CRIM1: variants seen among roughly 807,000 people sequenced by gnomAD.
The protein encoded by CRIM1 is cysteine rich transmembrane BMP regulator 1.
A neutral mutation model predicts 116.4 loss-of-function variants in CRIM1; 32 were observed. That is an observed-to-expected ratio of 0.27 (90% CI 0.21 to 0.37). CRIM1 has a LOEUF of 0.37. Among genes scored for constraint, CRIM1 ranks in the 10% least tolerant of loss-of-function variants. The probability of loss-of-function intolerance (pLI) is 1.00; values close to 1 mark genes in which losing one functional copy is unlikely to be tolerated. For synonymous variants in CRIM1, 590 were observed against 509.2 expected (o/e 1.16, Z -2.13); for missense variants, 1,331 against 1,354.8 (o/e 0.98, Z 0.28).
chr2:36,370,462 T>A (rs1669872439), intron 1 of CRIM1, among the ~76,000 whole-genome samples: 1 of 152,176 alleles, frequency 6.6e-6, no homozygotes, highest in Non-Finnish European at 1.5e-5. Context: ...TTGTATTAGT[T>A]GCTTTGGAAA....
At chr2:36,440,441 G>A (rs1190469526) in intron 2 of CRIM1, among the ~76,000 whole-genome samples, 1 of 152,128 alleles carries the variant, frequency 6.6e-6, no homozygotes, top group East Asian at 1.9e-4. Context: ...TTCCTCAAGG[G>A]CCTTATGTTC....
intron 7 of CRIM1, among the ~76,000 whole-genome samples, chr2:36,487,423 T>C (rs906147616): frequency 1.3e-5 from 2 of 152,194 alleles, no homozygotes; most frequent in African/African-American, 4.8e-5. Flanking sequence ...AGAATATTTT[T>C]GGTGCCTCTC....
chr2:36,514,276 C>T (rs1302334585), intron 11 of CRIM1, among the ~76,000 whole-genome samples: 2 of 152,160 alleles, frequency 1.3e-5, no homozygotes, highest in South Asian at 4.1e-4. Flanking sequence ...AGTGACCACA[C>T]GTCCAAAACA....
Position 36,459,589 on chromosome 2 carries a change from C to T in CRIM1, c.870-4945C>T, listed in dbSNP as rs7592514. 2.5e-3 allele frequency among the ~76,000 whole-genome samples: 375 copies of T among 152,248 alleles called. 2 individuals are homozygous for T. The highest frequency in any genetic ancestry group is 7.9e-3 in the African/African-American group (326 of 41,526). On this transcript the variant is annotated intron_variant, in intron 4 of 16. Transcript: ENST00000280527. ...TGCACTTCAAGAGTTACTACCGTTA[C>T]GTACTGTTGCAAGTCAGAGGAGGGA... is the stretch of plus-strand genomic sequence containing the variant.
At chr2:36,506,525 C>T (rs1394394277) in intron 8 of CRIM1, among the ~76,000 whole-genome samples, 4 of 152,046 alleles carry the variant, frequency 2.6e-5, no homozygotes, top group Admixed American at 2.6e-4. Flanking sequence ...ATGGCGCCCC[C>T]GACAGCTGTG....
intron 13 of CRIM1, among the ~76,000 whole-genome samples, chr2:36,523,142 T>C (rs3770826): frequency 0.41 from 61,573 of 151,760 alleles, 12,742 homozygotes; most frequent in East Asian, 0.55. Context: ...TTAGTAGAGA[T>C]GGGGACAGTG....
chr2:36,471,156 C>G (rs1678481773), intron 5 of CRIM1, among the ~76,000 whole-genome samples: 1 of 152,192 alleles, frequency 6.6e-6, no homozygotes, highest in African/African-American at 2.4e-5. Context: ...AAAGTAGTTT[C>G]TTGAGATAGA....
At chr2:36,389,303 A>G (rs1011523477) in intron 1 of CRIM1, among the ~76,000 whole-genome samples, 8 of 152,132 alleles carry the variant, frequency 5.3e-5, no homozygotes, top group African/African-American at 1.5e-4. Context: ...CTCCTCGAGC[A>G]GAACGGAATG....
intron 2 of CRIM1, among the ~76,000 whole-genome samples, chr2:36,406,307 G>A (rs1174087958): frequency 1.3e-5 from 2 of 152,092 alleles, no homozygotes; most frequent in African/African-American, 4.8e-5. Context: ...CATTTTATAA[G>A]GTTTATGAAG....
intron 15 of CRIM1, among the ~76,000 whole-genome samples, chr2:36,546,479 A>G (rs747760051): frequency 1.3e-5 from 2 of 152,182 alleles, no homozygotes; most frequent in Non-Finnish European, 1.5e-5. Flanking sequence ...CAGAGTATCA[A>G]CCAAAAGACC....
At chr2:36,478,698 C>T (rs1194892916) in intron 6 of CRIM1, among the ~76,000 whole-genome samples, 1 of 152,152 alleles carries the variant, frequency 6.6e-6, no homozygotes, top group Non-Finnish European at 1.5e-5. Flanking sequence ...TCTCTCAGCA[C>T]AGCAGTAGTT....
At chr2:36,473,375 C>T (rs909820770) in intron 5 of CRIM1, among the ~76,000 whole-genome samples, 4 of 152,090 alleles carry the variant, frequency 2.6e-5, no homozygotes, top group African/African-American at 9.7e-5. Flanking sequence ...CTTTAGGAGA[C>T]ACCATGCAAT....
At chr2:36,419,140 A>G (rs1175538801) in intron 2 of CRIM1, among the ~76,000 whole-genome samples, 1 of 152,216 alleles carries the variant, frequency 6.6e-6, no homozygotes, top group Admixed American at 6.5e-5. Context: ...AGTGGTTTAT[A>G]GGCTTCCTAT....
In CRIM1 at chr2:36,356,192, C is replaced by T; in HGVS notation, c.-101C>T. ...CGAGAGGGGCGGTGAGGACCGCGGG[C>T]TGCTGGTGCGGCGGCGGCGGCGCGT... On this transcript the variant is annotated 5_prime_UTR_variant, in exon 1 of 17. Transcript: ENST00000280527. This position sits in a 1 kb window ranked among gnomAD's most constrained non-coding sequence, Gnocchi z 4.3. 9.6e-6 allele frequency: 4 copies of T among 418,762 alleles called. No individual in the cohort carries two copies. The allele number at this position is 418,762 out of a possible 1,614,324, so 25.9% of individuals were successfully genotyped here.
intron 4 of CRIM1, among the ~76,000 whole-genome samples, chr2:36,460,365 T>C (rs1677485054): frequency 6.6e-6 from 1 of 152,142 alleles, no homozygotes; most frequent in Admixed American, 6.5e-5. Flanking sequence ...AAATTAGTGG[T>C]TGCTAAGGGC....
intron 12 of CRIM1, among the ~76,000 whole-genome samples, chr2:36,518,046 C>T (rs1476342639): frequency 6.6e-6 from 1 of 152,096 alleles, no homozygotes; most frequent in African/African-American, 2.4e-5. Context: ...TAAGTTAATG[C>T]CAAAAAGCAT....
At chr2:36,471,183 G>A (rs1376770205) in intron 5 of CRIM1, among the ~76,000 whole-genome samples, 1 of 152,196 alleles carries the variant, frequency 6.6e-6, no homozygotes, top group African/African-American at 2.4e-5. Flanking sequence ...TCCTGGTGAG[G>A]ATGCTGTGAC....
chr2:36,445,791 A>C (rs1402653180), intron 4 of CRIM1, among the ~76,000 whole-genome samples: 1 of 152,222 alleles, frequency 6.6e-6, no homozygotes, highest in Admixed American at 6.5e-5. Context: ...AATGGAAAAA[A>C]AAAAGCCTAA....
intron 2 of CRIM1, among the ~76,000 whole-genome samples, chr2:36,416,990 G>A (rs2216099): frequency 0.48 from 72,488 of 151,958 alleles, 17,863 homozygotes; most frequent in East Asian, 0.68. Flanking sequence ...GGAAGCAGAG[G>A]GGTGGGAAGA....
Sources: allele counts gnomAD v4.1 joint callset (sites outside exome capture counted in the v4.1 genomes callset), GRCh38; gene constraint gnomAD v4.1.1; non-coding constraint Gnocchi (gnomAD v3.1); transcripts MANE v1.5; gene names NCBI Gene and HGNC (gene_info 2026-07-23, HGNC 2026-07-21).